Variants in CTNNA3 observed in about 807,000 individuals in gnomAD.
CTNNA3 encodes catenin alpha-3.
Under a neutral mutation model 95.7 loss-of-function variants are expected in CTNNA3, and 76 were observed. The ratio of observed to expected loss-of-function variants is 0.79; its 90% CI spans 0.66 to 0.96. CTNNA3 has a LOEUF of 0.96. Ranked by LOEUF, CTNNA3 falls within the 40% of genes least tolerant of loss-of-function variation. The probability of loss-of-function intolerance (pLI) is 0.00; values close to 1 mark genes in which losing one functional copy is unlikely to be tolerated. For synonymous variants in CTNNA3, 431 were observed against 374.4 expected, an observed-to-expected ratio of 1.15 and a Z score of -1.74; for missense variants, 1,191 against 1,089.8, an observed-to-expected ratio of 1.09 and a Z score of -1.31.
At chr10:66,995,173 T>C (rs1231271756) in intron 7 of CTNNA3, among the ~76,000 whole-genome samples, 1 of 152,166 alleles carries the variant, frequency 6.6e-6, no homozygotes, top group Non-Finnish European at 1.5e-5. Flanking sequence ...ACATAACCCA[T>C]GATTTCCATA....
At chr10:66,508,565 T>C (rs1840546436) in intron 11 of CTNNA3, among the ~76,000 whole-genome samples, 1 of 152,088 alleles carries the variant, frequency 6.6e-6, no homozygotes, top group Admixed American at 6.6e-5. Flanking sequence ...GGGACTTTGT[T>C]ATATATAATT....
chr10:66,029,747 A>G (rs150378072), intron 15 of CTNNA3, among the ~76,000 whole-genome samples: 132 of 152,262 alleles, frequency 8.7e-4, no homozygotes, highest in African/African-American at 3.1e-3. Context: ...TTATTCCATG[A>G]GCTTGGAACA....
chr10:65,992,286 C>T (rs1418605311), intron 15 of CTNNA3, among the ~76,000 whole-genome samples: 1 of 151,960 alleles, frequency 6.6e-6, no homozygotes, highest in Non-Finnish European at 1.5e-5. Context: ...GAATTCCCTC[C>T]TCTTCAGTTT....
intron 1 of CTNNA3, among the ~76,000 whole-genome samples, chr10:67,725,467 G>T (rs1841204159): frequency 1.3e-5 from 2 of 152,116 alleles, no homozygotes; most frequent in South Asian, 4.1e-4. Flanking sequence ...GTGAGCCACT[G>T]CGCCCGGCCT....
At chr10:66,429,186 C>T (rs7392948) in intron 11 of CTNNA3, among the ~76,000 whole-genome samples, 40,271 of 152,038 alleles carry the variant, frequency 0.26, 5,499 homozygotes, top group South Asian at 0.39. Flanking sequence ...CACATACACC[C>T]TCCCAAGACT....
At chr10:67,612,768 C>G (rs939717849) in intron 2 of CTNNA3, among the ~76,000 whole-genome samples, 11 of 152,116 alleles carry the variant, frequency 7.2e-5, no homozygotes, top group African/African-American at 2.7e-4. Context: ...ACCCAGAGGT[C>G]ATCTGGGCTA....
At chr10:67,156,900 G>GTTACA (rs1861334924) in intron 7 of CTNNA3, among the ~76,000 whole-genome samples, 1 of 151,058 alleles carries the variant, frequency 6.6e-6, no homozygotes, top group Non-Finnish European at 1.5e-5. Flanking sequence ...ATATCCTACT[G>GTTACA]TTATATTGCT....
At chr10:67,279,924 T>A (rs2132439730) in intron 5 of CTNNA3, among the ~76,000 whole-genome samples, 1 of 150,564 alleles carries the variant, frequency 6.6e-6, no homozygotes, top group Admixed American at 6.6e-5. Flanking sequence ...CATTCATTGA[T>A]AAAAACAGAT....
chr10:67,010,662 T>C (rs1042970060), intron 7 of CTNNA3, among the ~76,000 whole-genome samples: 1 of 152,188 alleles, frequency 6.6e-6, no homozygotes, highest in African/African-American at 2.4e-5. Context: ...TATCAGTAGC[T>C]GCTAGGAATT....
intron 11 of CTNNA3, among the ~76,000 whole-genome samples, chr10:66,444,254 G>C (rs1168191445): frequency 6.6e-6 from 1 of 152,118 alleles, no homozygotes; most frequent in African/African-American, 2.4e-5. Flanking sequence ...CACTCTGCAG[G>C]ATATTATCCA....
At chr10:66,189,491 A>C (rs1000295847) in intron 13 of CTNNA3, among the ~76,000 whole-genome samples, 3 of 151,518 alleles carry the variant, frequency 2.0e-5, no homozygotes, top group Non-Finnish European at 4.4e-5. Flanking sequence ...CACTGTTGAA[A>C]ATGAGTTGGC....
At chr10:67,301,409 C>A (rs1589141481) in intron 5 of CTNNA3, among the ~76,000 whole-genome samples, 1 of 152,098 alleles carries the variant, frequency 6.6e-6, no homozygotes, top group Non-Finnish European at 1.5e-5. Flanking sequence ...GTGGGAAGGT[C>A]AATTAGTACA....
At chr10:66,508,878 T>C (rs1480855437) in intron 11 of CTNNA3, among the ~76,000 whole-genome samples, 1 of 152,144 alleles carries the variant, frequency 6.6e-6, no homozygotes, top group Non-Finnish European at 1.5e-5. Context: ...ATACAATGAT[T>C]TCCCTTCTTT....
intron 13 of CTNNA3, among the ~76,000 whole-genome samples, chr10:66,250,231 C>T (rs927367504): frequency 5.9e-5 from 9 of 151,844 alleles, no homozygotes; most frequent in Non-Finnish European, 8.8e-5. Flanking sequence ...CAATTGAATT[C>T]GTGGAGATAG....
At chr10:65,989,618 GTAT>G (rs2078497847) in intron 15 of CTNNA3, among the ~76,000 whole-genome samples, 1 of 151,952 alleles carries the variant, frequency 6.6e-6, no homozygotes, top group Non-Finnish European at 1.5e-5. Flanking sequence ...TGGGGTACAT[GTAT>G]TATTTTGCTA....
At chr10:67,455,565 A>G (rs1847143453) in intron 5 of CTNNA3, among the ~76,000 whole-genome samples, 1 of 152,188 alleles carries the variant, frequency 6.6e-6, no homozygotes, top group Admixed American at 6.6e-5. Flanking sequence ...ATCAAAGTTA[A>G]TATCATCATT....
At chr10:65,959,769 G>C (rs148611270) in intron 17 of CTNNA3, among the ~76,000 whole-genome samples, 269 of 152,220 alleles carry the variant, frequency 1.8e-3, no homozygotes, top group Middle Eastern at 0.017. Flanking sequence ...ACCTGCCTCA[G>C]CCTCCCCAAG....
At chr10:67,173,122 T>G (rs1183421033) in intron 7 of CTNNA3, among the ~76,000 whole-genome samples, 7 of 152,236 alleles carry the variant, frequency 4.6e-5, no homozygotes. Flanking sequence ...AATATTTCAT[T>G]GTTCAAGGGC....
intron 3 of CTNNA3, among the ~76,000 whole-genome samples, chr10:67,566,456 CA>C (rs1841808024): frequency 6.6e-6 from 1 of 152,008 alleles, no homozygotes; most frequent in African/African-American, 2.4e-5. Flanking sequence ...AAATGCAAAT[CA>C]AAACCACAAT....
Sources: allele counts gnomAD v4.1 joint callset (sites outside exome capture counted in the v4.1 genomes callset), GRCh38; gene constraint gnomAD v4.1.1; transcripts MANE v1.5; gene names NCBI Gene and HGNC (gene_info 2026-07-23, HGNC 2026-07-21).